Variants in SLC71A2 observed in about 807,000 individuals in gnomAD.
SLC71A2 encodes hippocampus abundant transcript-like 1.
chr9:94,433,582 C>T, the SLC71A2 span, among the ~76,000 whole-genome samples: 1 of 151,156 alleles, frequency 6.6e-6, no homozygotes, highest in South Asian at 2.1e-4. Context: ...TTAACAAACA[C>T]TGGATACATA....
the SLC71A2 span, among the ~76,000 whole-genome samples, chr9:94,417,306 A>G: frequency 6.6e-6 from 1 of 152,094 alleles, no homozygotes; most frequent in East Asian, 1.9e-4. Flanking sequence ...ACCACCATCC[A>G]TCTCTAAAAC....
chr9:94,424,878 T>C, the SLC71A2 span, among the ~76,000 whole-genome samples: 1 of 149,002 alleles, frequency 6.7e-6, no homozygotes, highest in Admixed American at 6.6e-5. Context: ...TAGCTGGGAC[T>C]ACAGGCGTGT....
chr9:94,456,474 T>C, the SLC71A2 span: 161 of 626,392 alleles, frequency 2.6e-4, no homozygotes, highest in Middle Eastern at 2.1e-3. Flanking sequence ...CCTATTTACT[T>C]TGGCAGATAG....
At chr9:94,383,221 G>C in the SLC71A2 span, among the ~76,000 whole-genome samples, 62 of 135,238 alleles carry the variant, frequency 4.6e-4, no homozygotes, top group Non-Finnish European at 8.0e-4. Flanking sequence ...AGAGTGCAGT[G>C]GCGCAATCTC....
At chr9:94,446,488 T>G in the SLC71A2 span, among the ~76,000 whole-genome samples, 1 of 152,244 alleles carries the variant, frequency 6.6e-6, no homozygotes, top group Non-Finnish European at 1.5e-5. Context: ...AGTGATTTTC[T>G]TAAAAGGTTC....
chr9:94,445,158 T>C, the SLC71A2 span: 1 of 1,613,590 alleles, frequency 6.2e-7, no homozygotes. Context: ...CTCAGATTTC[T>C]TGGAAACAAG....
At chr9:94,456,237 C>A in the SLC71A2 span, 1 of 1,612,722 alleles carries the variant, frequency 6.2e-7, no homozygotes, top group Admixed American at 1.7e-5. Flanking sequence ...CCTGTCATTG[C>A]AGGATGATGT....
At chr9:94,425,500 A>C in the SLC71A2 span, among the ~76,000 whole-genome samples, 1 of 152,174 alleles carries the variant, frequency 6.6e-6, no homozygotes, top group Non-Finnish European at 1.5e-5. Flanking sequence ...CATGGATGAA[A>C]TCATGGGGCG....
At chr9:94,385,700 A>G in the SLC71A2 span, among the ~76,000 whole-genome samples, 2 of 152,140 alleles carry the variant, frequency 1.3e-5, no homozygotes, top group Admixed American at 6.6e-5. Context: ...ATTCTGTTCC[A>G]TTGGTGTATG....
chr9:94,443,480 A>G, the SLC71A2 span, among the ~76,000 whole-genome samples: 7 of 152,210 alleles, frequency 4.6e-5, no homozygotes. Context: ...GTAAACCAAG[A>G]AAGTGGTAAT....
chr9:94,411,900 T>G, the SLC71A2 span, among the ~76,000 whole-genome samples: 1 of 152,206 alleles, frequency 6.6e-6, no homozygotes, highest in East Asian at 1.9e-4. Context: ...CCAGAGTTAA[T>G]TTTTGCTGTT....
At chr9:94,438,373 C>T in the SLC71A2 span, 2 of 1,614,054 alleles carry the variant, frequency 1.2e-6, no homozygotes, top group Non-Finnish European at 1.7e-6. Flanking sequence ...GATTATAAAA[C>T]TAACCTTTGC....
chr9:94,421,336 G>C, the SLC71A2 span, among the ~76,000 whole-genome samples: 3 of 152,162 alleles, frequency 2.0e-5, no homozygotes, highest in Non-Finnish European at 2.9e-5. Context: ...ATCCAGTACT[G>C]TACCACACTC....
the SLC71A2 span, among the ~76,000 whole-genome samples, chr9:94,419,783 TG>T: frequency 1.3e-5 from 2 of 152,194 alleles, no homozygotes. Flanking sequence ...GTTTTTGTTT[TG>T]CTTGTTTAGT....
At chr9:94,453,380 C>T in the SLC71A2 span, among the ~76,000 whole-genome samples, 1 of 152,114 alleles carries the variant, frequency 6.6e-6, no homozygotes, top group African/African-American at 2.4e-5. Context: ...GAACTCCTGA[C>T]CTTGTGATCT....
the SLC71A2 span, among the ~76,000 whole-genome samples, chr9:94,449,761 CAG>C: frequency 1.3e-5 from 2 of 152,200 alleles, no homozygotes; most frequent in African/African-American, 4.8e-5. Context: ...ACTTCTAACA[CAG>C]AAACTTGTAC....
chr9:94,381,441 AGT>A, the SLC71A2 span, among the ~76,000 whole-genome samples: 1 of 148,476 alleles, frequency 6.7e-6, no homozygotes, highest in Non-Finnish European at 1.5e-5. Context: ...GAGATTTATC[AGT>A]GTTATGTAAA....
At chr9:94,445,436 A>G in the SLC71A2 span, among the ~76,000 whole-genome samples, 2 of 152,124 alleles carry the variant, frequency 1.3e-5, no homozygotes, top group Non-Finnish European at 2.9e-5. Context: ...TTGGGAAGAG[A>G]GTTTCTTTTT....
chr9:94,420,848 G>A, the SLC71A2 span, among the ~76,000 whole-genome samples: 2 of 152,056 alleles, frequency 1.3e-5, no homozygotes, highest in African/African-American at 4.8e-5. Context: ...GTGGTGAGCC[G>A]AGATCATGCC....
Sources: allele counts gnomAD v4.1 joint callset (sites outside exome capture counted in the v4.1 genomes callset), GRCh38; gene constraint gnomAD v4.1.1; transcripts MANE v1.5; gene names NCBI Gene and HGNC (gene_info 2026-07-23, HGNC 2026-07-21).